The following MCUB variants were observed in gnomAD, a reference collection of about 807,000 sequenced individuals.
The protein encoded by MCUB is mitochondrial calcium uniporter dominant negative subunit beta, also known as calcium uniporter regulatory subunit MCUb, mitochondrial.
MCUB carries 46 observed loss-of-function variants against 41.4 expected under a neutral mutation model. That is an observed-to-expected ratio of 1.11 (90% CI 0.88 to 1.42). MCUB has a LOEUF of 1.42. Among genes scored for constraint, MCUB ranks in the 40% most tolerant of loss-of-function variants. The pLI is 0.00. For synonymous variants in MCUB, 148 were observed against 148.2 expected, an observed-to-expected ratio of 1.00 and a Z score of 0.01; for missense variants, 403 against 404.9, an observed-to-expected ratio of 1.00 and a Z score of 0.04.
chr4:109,679,787 T>TTTGTTGTTGTTGTTGTTG (rs377253519), intron 4 of MCUB, among the ~76,000 whole-genome samples: 2 of 151,564 alleles, frequency 1.3e-5, no homozygotes, highest in African/African-American at 4.9e-5. Context: ...GAGGTATAAT[T>TTTGTTGTTGTTGTTGTTG]TTGTTGTTGT....
chr4:109,638,637 C>G (rs1728648102), intron 1 of MCUB, among the ~76,000 whole-genome samples: 1 of 152,064 alleles, frequency 6.6e-6, no homozygotes, highest in African/African-American at 2.4e-5. Flanking sequence ...CCAACTATTC[C>G]TTTTATGATC....
intron 4 of MCUB, among the ~76,000 whole-genome samples, chr4:109,668,940 C>T (rs908383044): frequency 1.3e-5 from 2 of 152,008 alleles, no homozygotes; most frequent in African/African-American, 4.8e-5. Flanking sequence ...CTGATTTCTC[C>T]CTCATGCCCC....
At chr4:109,660,084 A>ACTT in intron 2 of MCUB, 111 bp from the exon 3 acceptor site, 1 of 622,242 alleles carries the variant, frequency 1.6e-6, no homozygotes, top group East Asian at 2.8e-5. Flanking sequence ...TTTTTATAAG[A>ACTT]CTTCAGAGGT....
At chr4:109,598,035 A>G (rs1417358059) in intron 1 of MCUB, among the ~76,000 whole-genome samples, 5 of 142,688 alleles carry the variant, frequency 3.5e-5, no homozygotes, top group African/African-American at 1.1e-4. Flanking sequence ...CCTAGATGGG[A>G]TGGCGGCCGG....
intron 1 of MCUB, among the ~76,000 whole-genome samples, chr4:109,566,338 C>T (rs981430509): frequency 4.0e-5 from 6 of 151,296 alleles, no homozygotes; most frequent in African/African-American, 7.3e-5. Context: ...GGCTTGGTGG[C>T]GGGCGCCTGT....
At chr4:109,592,437 A>G (rs1405339268) in intron 1 of MCUB, among the ~76,000 whole-genome samples, 1 of 152,040 alleles carries the variant, frequency 6.6e-6, no homozygotes, top group Non-Finnish European at 1.5e-5. Flanking sequence ...ATGTATATAT[A>G]TTTATGTATG....
chr4:109,598,114 G>C (rs1727626771), intron 1 of MCUB, among the ~76,000 whole-genome samples: 2 of 148,468 alleles, frequency 1.3e-5, no homozygotes. Context: ...TCCCAGACTG[G>C]GCAGCCAGGC....
At chr4:109,628,594 G>A (rs1317652178) in intron 1 of MCUB, among the ~76,000 whole-genome samples, 1 of 152,188 alleles carries the variant, frequency 6.6e-6, no homozygotes, top group African/African-American at 2.4e-5. Flanking sequence ...AGTTTATTTT[G>A]AAAGCAGATT....
intron 1 of MCUB, among the ~76,000 whole-genome samples, chr4:109,621,593 C>T (rs987836687): frequency 1.3e-5 from 2 of 152,090 alleles, no homozygotes; most frequent in African/African-American, 4.8e-5. Context: ...TTATCATACC[C>T]TGAGAGAAAG....
chr4:109,569,422 G>A (rs1216957660), intron 1 of MCUB, among the ~76,000 whole-genome samples: 6 of 151,542 alleles, frequency 4.0e-5, no homozygotes, highest in Non-Finnish European at 5.9e-5. Flanking sequence ...TTTTTAAAGG[G>A]CATAATTAAC....
chr4:109,587,008 G>A (rs748034314), intron 1 of MCUB, among the ~76,000 whole-genome samples: 5 of 152,222 alleles, frequency 3.3e-5, no homozygotes, highest in South Asian at 2.1e-4. Context: ...AGAGAGGGAC[G>A]TTTAAGTCTG....
At chr4:109,588,787 T>C (rs1416824058) in intron 1 of MCUB, among the ~76,000 whole-genome samples, 1 of 152,238 alleles carries the variant, frequency 6.6e-6, no homozygotes. Context: ...TATGCTTCAC[T>C]CTGATAGCTT....
intron 1 of MCUB, among the ~76,000 whole-genome samples, chr4:109,601,450 C>A (rs1016881093): frequency 5.9e-5 from 9 of 152,130 alleles, no homozygotes; most frequent in African/African-American, 2.2e-4. Context: ...TCCATGAGTT[C>A]AATTGTTTTA....
chr4:109,672,979 A>G (rs1729493238), intron 4 of MCUB, among the ~76,000 whole-genome samples: 1 of 152,236 alleles, frequency 6.6e-6, no homozygotes, highest in Non-Finnish European at 1.5e-5. Context: ...TTAATTGTAT[A>G]TTTGAACATT....
At chr4:109,641,813 G>A (rs1728721822) in intron 1 of MCUB, among the ~76,000 whole-genome samples, 2 of 152,224 alleles carry the variant, frequency 1.3e-5, no homozygotes, top group Non-Finnish European at 1.5e-5. Flanking sequence ...AACAGAGGGT[G>A]TAGCAACTTA....
chr4:109,678,617 A>G lies in MCUB; in HGVS notation c.452-3965A>G, dbSNP rs1729634108. 2.5e-5 allele frequency among the ~76,000 whole-genome samples: 3 copies of G among 119,358 alleles called. No homozygotes were observed. In the South Asian group the frequency reaches 8.5e-4, roughly 34 times the overall value. 78.3% of individuals were successfully genotyped at this position (119,358 alleles called of 152,430 possible). A position where few individuals can be genotyped will look rare whatever the true frequency, so the allele number is the denominator to read the frequency against. ...TGGCGGCCAGGCAGAGGCACTCCTCACCTCCCAGACGGGGTGGCGGCCGGG... is the reference window on the plus strand; with the variant it reads ...TGGCGGCCAGGCAGAGGCACTCCTCGCCTCCCAGACGGGGTGGCGGCCGGG... On this transcript the variant is annotated intron_variant, in intron 4 of 7. Transcript: ENST00000394650.
intron 1 of MCUB, among the ~76,000 whole-genome samples, chr4:109,575,876 C>T (rs1004115322): frequency 2.1e-4 from 32 of 152,138 alleles, no homozygotes; most frequent in African/African-American, 7.5e-4. Context: ...GTAGTCTGTG[C>T]TAGTCACACT....
chr4:109,633,894 G>C (rs115161804), intron 1 of MCUB, among the ~76,000 whole-genome samples: 1,651 of 135,774 alleles, frequency 0.012, 41 homozygotes, highest in African/African-American at 0.043. Context: ...TCCCGCCCAT[G>C]TACAGCTTTT....
Position 109,688,118 on chromosome 4 carries a change from G to T in MCUB, c.*526G>T, listed in dbSNP as rs941977810. ...TTCCACCAACCATAAAGTATAGTTG[G>T]TACTTTTTGAACTTCAACTGAAACA... is the stretch of plus-strand genomic sequence containing the variant. On this transcript the variant is annotated 3_prime_UTR_variant, in exon 8 of 8. Coordinates refer to ENST00000394650, the MANE Select transcript of MCUB (RefSeq NM_017918.5). The T allele has an allele frequency of 2.0e-5, 3 of 152,244 alleles. No homozygotes were observed. Among genetic ancestry groups the T allele is most frequent in the African/African-American group, 7.2e-5 (3 of 41,410 alleles). 9.4% of individuals were successfully genotyped at this position (152,244 alleles called of 1,614,324 possible).
Sources: gnomAD v4.1 joint callset for allele counts (sites outside exome capture counted in the v4.1 genomes callset) on GRCh38, gnomAD v4.1.1 for gene constraint, MANE v1.5 for transcripts, NCBI Gene and HGNC (gene_info 2026-07-23, HGNC 2026-07-21) for gene names.